ANKRD36: variants seen among roughly 807,000 people sequenced by gnomAD.
ANKRD36 encodes ankyrin repeat domain 36, also known as ankyrin repeat domain-containing protein 36A.
A neutral mutation model predicts 278.1 loss-of-function variants in ANKRD36; 179 were observed. That is an observed-to-expected ratio of 0.64 (90% CI 0.57 to 0.73). The LOEUF (loss-of-function observed/expected upper bound fraction) is 0.73. Ranked by LOEUF, ANKRD36 falls within the 30% of genes least tolerant of loss-of-function variation. The probability of loss-of-function intolerance (pLI) is 0.00; values close to 1 mark genes in which losing one functional copy is unlikely to be tolerated. For synonymous variants in ANKRD36, 320 were observed against 641.1 expected, an observed-to-expected ratio of 0.50 and a Z score of 7.57; for missense variants, 1,159 against 1,956.7, an observed-to-expected ratio of 0.59 and a Z score of 7.69.
chr2:97,203,745 G>T (rs2062029320), intron 48 of ANKRD36, among the ~76,000 whole-genome samples: 1 of 151,800 alleles, frequency 6.6e-6, no homozygotes, highest in Non-Finnish European at 1.5e-5. Flanking sequence ...ATTCTGACGT[G>T]TATGAGTTGC....
At chr2:97,220,051 C>CTGTGTGTGTG (rs71274689) in intron 66 of ANKRD36, among the ~76,000 whole-genome samples, 1 of 111,218 alleles carries the variant, frequency 9.0e-6, no homozygotes, top group Non-Finnish European at 1.7e-5. Context: ...GATTAGCACA[C>CTGTGTGTGTG]TGTGTGTGTG....
rs1209010517 is a variant in ANKRD36 at position 97,208,009 on chromosome 2, A to G, written c.3265+3A>G. 6.6e-7 allele frequency: 1 copy of G among 1,516,174 alleles called. No individual in the cohort carries two copies. Among genetic ancestry groups the G allele is most frequent in the South Asian group, 1.2e-5 (1 of 82,970 alleles). 93.9% of individuals were successfully genotyped at this position (1,516,174 alleles called of 1,614,324 possible). ...GTATGGAGAAAAAACTAAGAGAGGT[A>G]ATTTTGAAAAGAGATTTAATGTCAT... On this transcript the variant is annotated splice_donor_region_variant and intron_variant, in intron 54 of 75. Coordinates refer to ENST00000420699, the MANE Select transcript of ANKRD36 (RefSeq NM_001354587.1).
chr2:97,190,721 C>A (rs1201023611), intron 34 of ANKRD36, among the ~76,000 whole-genome samples: 1 of 151,514 alleles, frequency 6.6e-6, no homozygotes, highest in East Asian at 2.0e-4. Flanking sequence ...TTGATATTGA[C>A]ACGGTTTTAT....
intron 54 of ANKRD36, among the ~76,000 whole-genome samples, chr2:97,208,212 A>G (rs1322597660): frequency 2.7e-5 from 4 of 146,626 alleles, no homozygotes; most frequent in Non-Finnish European, 6.0e-5. Context: ...ACTTCCCCAC[A>G]TTGAAATTGG....
rs768802031 is a variant in ANKRD36, at chr2:97,192,824, A to G, written c.2348-34A>G. On this transcript the variant is annotated intron_variant, in intron 36 of 75. Transcript: ENST00000420699. ...GTATGGATAACTTTGTCATAGTTACATATGAGTGATTATGTATCCCTTTTG... is the reference window on the plus strand; with the variant it reads ...GTATGGATAACTTTGTCATAGTTACGTATGAGTGATTATGTATCCCTTTTG... 6 of 1,591,908 alleles carry G rather than the reference A, an allele frequency of 3.8e-6. No homozygotes were observed. The South Asian group carries it at 4.4e-5, about 12-fold the overall frequency.
chr2:97,148,960 G>A (rs1202931517), intron 11 of ANKRD36, among the ~76,000 whole-genome samples: 2 of 152,100 alleles, frequency 1.3e-5, no homozygotes, highest in Non-Finnish European at 2.9e-5. Context: ...TTTCAGTTTA[G>A]TCTTTAGGGT....
rs994160978 is a variant in ANKRD36, at chr2:97,142,945, G to A, written c.901+110G>A. ...TGAATCTGCACATTCTGATTCAGCA[G>A]GCCTGAGATTCTGCTTTTGTGATAA... On this transcript the variant is annotated intron_variant, in intron 8 of 75. Coordinates refer to ENST00000420699, the MANE Select transcript of ANKRD36 (RefSeq NM_001354587.1). 52 of 1,363,180 alleles carry A rather than the reference G, an allele frequency of 3.8e-5. No homozygotes were observed. The Admixed American group carries it at 4.3e-4, about 11-fold the overall frequency. The allele number at this position is 1,363,180 out of a possible 1,614,324, so 84.4% of individuals were successfully genotyped here. A position where few individuals can be genotyped will look rare whatever the true frequency, so the allele number is the denominator to read the frequency against.
At chr2:97,155,744 GA>G (rs1267427801) in intron 15 of ANKRD36, among the ~76,000 whole-genome samples, 1 of 145,758 alleles carries the variant, frequency 6.9e-6, no homozygotes, top group Non-Finnish European at 1.5e-5. Flanking sequence ...CTTAGTTATT[GA>G]AAAAATAATT....
rs757453144 is a variant in ANKRD36 at position 97,211,740 on chromosome 2, A to G, written c.3468A>G (p.Thr1156=). ...TEKKDEQISG[T]VSCQKQPALK... ...AAAAGGATGAACAAATATCTGGGAC[A>G]GGTAATTTTGCAAACACATTTAATA... The change falls in exon 58 of 76, where the codon ACA becomes ACG. Residue 1156 remains threonine (T), a splice_region_variant and synonymous_variant. Coordinates refer to ENST00000420699, the MANE Select transcript of ANKRD36 (RefSeq NM_001354587.1). 6.3e-6 allele frequency: 10 copies of G among 1,579,394 alleles called. No individual in the cohort carries two copies. Among genetic ancestry groups the G allele is most frequent in the Non-Finnish European group, 8.6e-6 (10 of 1,163,658 alleles).
At chr2:97,203,112 A>G (rs1330604243) in intron 48 of ANKRD36, among the ~76,000 whole-genome samples, 1 of 151,776 alleles carries the variant, frequency 6.6e-6, no homozygotes, top group Admixed American at 6.6e-5. Context: ...ATTGAGACAA[A>G]CTTGAATCTG....
intron 38 of ANKRD36, among the ~76,000 whole-genome samples, chr2:97,193,919 A>G (rs1475883268): frequency 1.3e-5 from 2 of 151,726 alleles, no homozygotes; most frequent in Admixed American, 1.3e-4. Context: ...ATTAACGCCT[A>G]AAATAGTCAT....
chr2:97,201,375 G>C (rs1172425161), intron 46 of ANKRD36, among the ~76,000 whole-genome samples: 2 of 151,898 alleles, frequency 1.3e-5, no homozygotes, highest in African/African-American at 4.8e-5. Flanking sequence ...AAATTATGTT[G>C]CATTCCAATT....
intron 42 of ANKRD36, 60 bp from the exon 43 acceptor site, chr2:97,198,403 T>G (rs1218740679): frequency 3.9e-6 from 6 of 1,554,012 alleles, no homozygotes; most frequent in Admixed American, 1.9e-5. Context: ...ACTGTATGAA[T>G]GTATGGATAA....
intron 22 of ANKRD36, among the ~76,000 whole-genome samples, chr2:97,178,208 G>C (rs544482838): frequency 2.5e-4 from 38 of 151,532 alleles, no homozygotes; most frequent in African/African-American, 8.7e-4. Context: ...GGAGAAATAG[G>C]AACACTTTTA....
intron 67 of ANKRD36, among the ~76,000 whole-genome samples, chr2:97,227,868 G>C (rs1434333044): frequency 2.6e-5 from 4 of 152,084 alleles, no homozygotes; most frequent in Admixed American, 2.6e-4. Context: ...TTTGTCAAAG[G>C]CCTTTTCTGC....
chr2:97,202,067 G>C, intron 46 of ANKRD36, 135 bp from the exon 47 acceptor site: 3 of 1,529,166 alleles, frequency 2.0e-6, no homozygotes, highest in Non-Finnish European at 2.6e-6. Flanking sequence ...CTAGTCCCCA[G>C]ACACAAAGTA....
intron 36 of ANKRD36, among the ~76,000 whole-genome samples, chr2:97,191,394 A>G (rs1167049256): frequency 6.6e-6 from 1 of 151,712 alleles, no homozygotes; most frequent in African/African-American, 2.4e-5. Context: ...CCACATTCAA[A>G]TTTGGAAGAA....
Position 97,121,894 on chromosome 2 carries a change from T to C in ANKRD36, c.487-993T>C, listed in dbSNP as rs1167087337. On this transcript the variant is annotated intron_variant, in intron 3 of 75. Transcript: ENST00000420699. Reference sequence around the variant, plus strand: ...AATATTTGCATCAGGGTCCTAAGATTGTAATTGAGAATAACATTTCATACA... The same window carrying C: ...AATATTTGCATCAGGGTCCTAAGATCGTAATTGAGAATAACATTTCATACA... 4.0e-5 allele frequency among the ~76,000 whole-genome samples: 6 copies of C among 149,606 alleles called. No individual in the cohort carries two copies. The Admixed American group carries it at 4.0e-4, about 10-fold the overall frequency.
At chr2:97,209,364 T>A (rs1318464673) in intron 54 of ANKRD36, among the ~76,000 whole-genome samples, 8 of 146,652 alleles carry the variant, frequency 5.5e-5, no homozygotes, top group Non-Finnish European at 1.2e-4. Context: ...CGTATATGAG[T>A]TGTTCCTCTG....
Sources: allele counts gnomAD v4.1 joint callset (sites outside exome capture counted in the v4.1 genomes callset), GRCh38; gene constraint gnomAD v4.1.1; transcripts MANE v1.5; gene names NCBI Gene and HGNC (gene_info 2026-07-23, HGNC 2026-07-21).